Variants in LMF1 observed in about 807,000 individuals in gnomAD.
LMF1 encodes transmembrane protein 112.
In LMF1, 68 loss-of-function variants were observed where a neutral mutation model predicts 60.6. The ratio of observed to expected loss-of-function variants is 1.12; its 90% CI spans 0.92 to 1.37. The LOEUF is 1.37. LMF1 is among the 40% of genes most tolerant of loss of function. The pLI, the probability that LMF1 is intolerant of heterozygous loss-of-function variation, is 0.00. For synonymous variants in LMF1, 418 were observed against 324.7 expected (o/e 1.29, Z -3.09); for missense variants, 948 against 767.2 (o/e 1.24, Z -2.78).
intron 3 of LMF1, among the ~76,000 whole-genome samples, chr16:929,498 C>T (rs1187643206): frequency 6.6e-6 from 1 of 152,246 alleles, no homozygotes; most frequent in African/African-American, 2.4e-5. Context: ...CGGAGCCCTG[C>T]CACCCGCTGC....
At chr16:917,242 C>G (rs148696065) in intron 3 of LMF1, among the ~76,000 whole-genome samples, 1 of 152,172 alleles carries the variant, frequency 6.6e-6, no homozygotes, top group Non-Finnish European at 1.5e-5. Flanking sequence ...GGTGTGGCCA[C>G]GCAGAGCACA....
chr16:885,928 A>C (rs1175990859), intron 5 of LMF1, among the ~76,000 whole-genome samples: 1 of 152,252 alleles, frequency 6.6e-6, no homozygotes, highest in African/African-American at 2.4e-5. Context: ...CGGAACTTTC[A>C]CTAAGACAAA....
At chr16:881,184 G>A (rs113330698) in intron 5 of LMF1, among the ~76,000 whole-genome samples, 37 of 152,234 alleles carry the variant, frequency 2.4e-4, no homozygotes, top group Middle Eastern at 3.4e-3. Context: ...CAGGAGAGGC[G>A]GCCATGTGCA....
At chr16:876,685 G>A (rs1438936462) in intron 6 of LMF1, among the ~76,000 whole-genome samples, 1 of 151,006 alleles carries the variant, frequency 6.6e-6, no homozygotes, top group Non-Finnish European at 1.5e-5. Context: ...GGCGGACAGA[G>A]GCAGGCTGGG....
chr16:910,858 C>T (rs915145090), intron 4 of LMF1, 73 bp downstream of exon 4: 72 of 1,584,114 alleles, frequency 4.5e-5, no homozygotes, highest in Non-Finnish European at 5.7e-5. Context: ...ACAGCCTCAC[C>T]TCTCCTAGAA....
At chr16:966,473 C>G (rs943807139) in intron 1 of LMF1, among the ~76,000 whole-genome samples, 1 of 152,260 alleles carries the variant, frequency 6.6e-6, no homozygotes, top group Non-Finnish European at 1.5e-5. Flanking sequence ...CGAAAAGTGC[C>G]ACACATAAAG....
intron 4 of LMF1, chr16:900,727 G>GTT (rs869071177): frequency 2.8e-5 from 2 of 70,746 alleles, no homozygotes; most frequent in African/African-American, 7.2e-5. Context: ...GTGTGTGTGT[G>GTT]TGTGTTTTAG....
chr16:948,212 T>A lies in LMF1; in HGVS notation c.503+6145A>T, dbSNP rs1322049543. Among the ~76,000 whole-genome samples, 34 of 91,954 alleles carry A rather than the reference T, an allele frequency of 3.7e-4. 2 individuals are homozygous for A. The highest frequency in any genetic ancestry group is 1.2e-3 in the African/African-American group (28 of 23,304). 60.3% of individuals were successfully genotyped at this position (91,954 alleles called of 152,430 possible). A position where few individuals can be genotyped will look rare whatever the true frequency, so the allele number is the denominator to read the frequency against. ...CAGAGACAACGACAGAGTCAGCCAATGACAGAGTCAGAGACAATGACAGAG... is the reference window on the plus strand; with the variant it reads ...CAGAGACAACGACAGAGTCAGCCAAAGACAGAGTCAGAGACAATGACAGAG... On this transcript the variant is annotated intron_variant, in intron 2 of 10. Transcript: ENST00000262301.
At chr16:952,139 C>A (rs1351086701) in intron 2 of LMF1, among the ~76,000 whole-genome samples, 1 of 152,198 alleles carries the variant, frequency 6.6e-6, no homozygotes, top group East Asian at 1.9e-4. Context: ...CTGCCCTGCC[C>A]TGGTGACACT....
chr16:913,430 GC>G (rs2071178398), intron 3 of LMF1, among the ~76,000 whole-genome samples: 1 of 152,276 alleles, frequency 6.6e-6, no homozygotes. Context: ...CCTGAGCCCT[GC>G]CCGCTGGACA....
intron 2 of LMF1, among the ~76,000 whole-genome samples, chr16:938,358 G>A (rs2072002394): frequency 6.6e-6 from 1 of 151,346 alleles, no homozygotes; most frequent in Non-Finnish European, 1.5e-5. Context: ...GGGGCTGGAC[G>A]GCGGCTCACA....
chr16:976,279 T>C (rs1448726537), intron 1 of LMF1: 1 of 449,504 alleles, frequency 2.2e-6, no homozygotes, highest in African/African-American at 2.0e-5. Flanking sequence ...ATCTAGGGGA[T>C]GAGGGCCCAG....
chr16:977,277 G>A (rs993161651), intron 1 of LMF1, among the ~76,000 whole-genome samples: 1 of 152,196 alleles, frequency 6.6e-6, no homozygotes, highest in African/African-American at 2.4e-5. Context: ...TGAAGTACAG[G>A]GAGCTGCAAC....
intron 10 of LMF1, among the ~76,000 whole-genome samples, chr16:866,423 G>T (rs2069612333): frequency 1.3e-5 from 2 of 152,164 alleles, no homozygotes; most frequent in Non-Finnish European, 2.9e-5. Context: ...TGGCTGGGTG[G>T]TGGTGAAGGT....
intron 1 of LMF1, among the ~76,000 whole-genome samples, chr16:956,067 G>A (rs1219848780): frequency 1.8e-5 from 2 of 110,846 alleles, no homozygotes; most frequent in Non-Finnish European, 3.5e-5. Flanking sequence ...ACCGCACGAC[G>A]GCTCTCTCAC....
intron 10 of LMF1, among the ~76,000 whole-genome samples, chr16:857,034 G>A (rs770811489): frequency 1.3e-5 from 2 of 152,262 alleles, no homozygotes; most frequent in East Asian, 1.9e-4. Flanking sequence ...CCTGCGGCAC[G>A]TACCCGCGGG....
chr16:926,968 G>A (rs1034862286), intron 3 of LMF1, among the ~76,000 whole-genome samples: 1 of 152,188 alleles, frequency 6.6e-6, no homozygotes, highest in Non-Finnish European at 1.5e-5. Flanking sequence ...GCCACCAGGC[G>A]AGAACACCAC....
chr16:977,554 G>A (rs564905504), intron 1 of LMF1, among the ~76,000 whole-genome samples: 204 of 152,294 alleles, frequency 1.3e-3, no homozygotes, highest in Middle Eastern at 3.4e-3. Context: ...GGGCTGGGAG[G>A]CCCGGGCCAA....
At chr16:934,355 G>A (rs998795737) in intron 2 of LMF1, 101 bp from the exon 3 acceptor site, 6 of 1,474,610 alleles carry the variant, frequency 4.1e-6, no homozygotes, top group East Asian at 2.3e-5. Flanking sequence ...CACCCAGCAC[G>A]GTGTGGGGTC....
Sources: gnomAD v4.1 joint callset for allele counts (sites outside exome capture counted in the v4.1 genomes callset) on GRCh38, gnomAD v4.1.1 for gene constraint, MANE v1.5 for transcripts, NCBI Gene and HGNC (gene_info 2026-07-23, HGNC 2026-07-21) for gene names.